The following GTF2IRD1 variants were observed in gnomAD, a reference collection of about 807,000 sequenced individuals.
GTF2IRD1 encodes GTF2I repeat domain containing 1.
Under a neutral mutation model 113.2 loss-of-function variants are expected in GTF2IRD1, and 26 were observed. That is an observed-to-expected ratio of 0.23 (90% CI 0.17 to 0.32). GTF2IRD1 has a LOEUF of 0.32. Ranked by LOEUF, GTF2IRD1 falls within the 10% of genes least tolerant of loss-of-function variation. GTF2IRD1 has a pLI of 1.00. For missense variants in GTF2IRD1, 864 were observed against 1,280.8 expected (o/e 0.67, Z 4.97); for synonymous variants, 484 against 529.1 (o/e 0.91, Z 1.17).
intron 7 of GTF2IRD1, among the ~76,000 whole-genome samples, chr7:74,523,780 G>C (rs1797429356): frequency 6.6e-6 from 1 of 152,110 alleles, no homozygotes; most frequent in African/African-American, 2.4e-5. Flanking sequence ...TGCTCTTCCA[G>C]CCTCCTGTAT....
At chr7:74,566,802 C>A (rs919388635) in intron 22 of GTF2IRD1, among the ~76,000 whole-genome samples, 1 of 152,098 alleles carries the variant, frequency 6.6e-6, no homozygotes, top group African/African-American at 2.4e-5. Flanking sequence ...AAGTCTTTAC[C>A]ATTTTATTAT....
In GTF2IRD1 at chr7:74,512,780, G is replaced by A. The variant is rs372797882; in HGVS notation, c.124-50G>A. On this transcript the variant is annotated intron_variant, in intron 2 of 26. Coordinates refer to ENST00000424337, the MANE Select transcript of GTF2IRD1 (RefSeq NM_005685.4). The surrounding 1 kb of genome is among the most constrained non-coding windows in gnomAD (Gnocchi z 4.4). ...CACCCCCGAAGTGGATACTAGAGGT[G>A]TTCGGAGTATGGGGAGCCCTTCCGC... 4.4e-6 allele frequency: 7 copies of A among 1,592,908 alleles called. No homozygotes were observed. The highest frequency in any genetic ancestry group is 1.7e-5 in the Admixed American group (1 of 59,176).
At chr7:74,521,351 G>A (rs1377610802) in intron 7 of GTF2IRD1, 54 bp downstream of exon 7, 10 of 1,058,354 alleles carry the variant, frequency 9.4e-6, no homozygotes, top group Non-Finnish European at 1.5e-5. Context: ...GAGGTTGGAG[G>A]TGGTGCTTAT....
At chr7:74,535,281 G>A in intron 10 of GTF2IRD1, 143 bp downstream of exon 10, 2 of 726,628 alleles carry the variant, frequency 2.8e-6, no homozygotes, top group Admixed American at 2.0e-5. Context: ...TCTGTGTCCT[G>A]GGACAGAAAT....
chr7:74,585,672 A>G (rs1192218895), intron 22 of GTF2IRD1, among the ~76,000 whole-genome samples: 1 of 152,036 alleles, frequency 6.6e-6, no homozygotes, highest in Non-Finnish European at 1.5e-5. Flanking sequence ...ACCTGAGGCC[A>G]GGAGTTGGAG....
Position 74,576,435 on chromosome 7 carries a change from C to T in GTF2IRD1, c.2321-13416C>T, listed in dbSNP as rs1328769283. ...AATTAGCCAGGTGTGGTGGTGCGCACTTGTAATCCCAGCTACTCGGGAGGC... is the reference window on the plus strand; with the variant it reads ...AATTAGCCAGGTGTGGTGGTGCGCATTTGTAATCCCAGCTACTCGGGAGGC... On this transcript the variant is annotated intron_variant, in intron 22 of 26. Transcript: ENST00000424337. 2.7e-5 allele frequency among the ~76,000 whole-genome samples: 4 copies of T among 150,200 alleles called. No homozygotes were observed. In the East Asian group the frequency reaches 6.1e-4, roughly 23 times the overall value.
intron 22 of GTF2IRD1, 89 bp downstream of exon 22, chr7:74,559,744 G>T: frequency 9.0e-7 from 1 of 1,115,486 alleles, no homozygotes; most frequent in Middle Eastern, 3.0e-4. Context: ...TGGGGCACAG[G>T]TTCTGGGGTC....
At chr7:74,500,368 G>A (rs1442717595) in intron 1 of GTF2IRD1, among the ~76,000 whole-genome samples, 4 of 152,062 alleles carry the variant, frequency 2.6e-5, no homozygotes, top group Admixed American at 2.6e-4. Context: ...GGATCGCTTG[G>A]GCTCGGGAGT....
chr7:74,465,483 C>G (rs1793649318), intron 1 of GTF2IRD1, among the ~76,000 whole-genome samples: 1 of 152,192 alleles, frequency 6.6e-6, no homozygotes, highest in Non-Finnish European at 1.5e-5. Flanking sequence ...AGTGACTGTA[C>G]CTCTCTGAGC....
rs782349366 is a variant in GTF2IRD1 at position 74,602,367 on chromosome 7, A to G, written c.2769A>G (p.Gln923=). ...AGTCCCTTTGTCCCTCTCTCTAGCAATGGCCAATGTACATGGTGGACTATG... is the reference window on the plus strand; with the variant it reads ...AGTCCCTTTGTCCCTCTCTCTAGCAGTGGCCAATGTACATGGTGGACTATG... ...VASANQISLV[Q]WPMYMVDYAG... is the part of the protein sequence containing the mutation. The change falls in exon 27 of 27, where the codon CAA becomes CAG. Residue 923 remains glutamine, a splice_region_variant and synonymous_variant. Coordinates refer to ENST00000424337, the MANE Select transcript of GTF2IRD1 (RefSeq NM_005685.4). 6.2e-7 allele frequency: 1 copy of G among 1,613,054 alleles called. No homozygotes were observed. The highest frequency in any genetic ancestry group is 8.5e-7 in the Non-Finnish European group (1 of 1,179,118).
intron 9 of GTF2IRD1, among the ~76,000 whole-genome samples, chr7:74,534,349 C>T (rs782047993): frequency 6.6e-6 from 1 of 152,220 alleles, no homozygotes; most frequent in Non-Finnish European, 1.5e-5. Flanking sequence ...CGCCTGTAAT[C>T]CCAGCACTTT....
At position 74,511,388 on chromosome 7, in the gene GTF2IRD1, C is replaced by T. The variant is rs188479122; in HGVS notation, c.124-1442C>T. 1.8e-3 allele frequency among the ~76,000 whole-genome samples: 268 copies of T among 152,328 alleles called. 1 individual carries two copies. Among genetic ancestry groups the T allele is most frequent in the African/African-American group, 6.2e-3 (257 of 41,584 alleles). Reference sequence around the variant, plus strand: ...GTGGGTGAGTTTTCTGCCATGGTCTCGGCGTCTTCAGCTGAGCGGTGACTG... The same window carrying T: ...GTGGGTGAGTTTTCTGCCATGGTCTTGGCGTCTTCAGCTGAGCGGTGACTG... On this transcript the variant is annotated intron_variant, in intron 2 of 26. Transcript: ENST00000424337.
At chr7:74,570,160 G>A (rs1437641639) in intron 22 of GTF2IRD1, among the ~76,000 whole-genome samples, 26 of 151,916 alleles carry the variant, frequency 1.7e-4, no homozygotes, top group African/African-American at 5.6e-4. Context: ...TCGGGAGTTC[G>A]AAACCAGCCT....
intron 22 of GTF2IRD1, among the ~76,000 whole-genome samples, chr7:74,587,645 A>G (rs1801794043): frequency 1.3e-5 from 2 of 152,004 alleles, no homozygotes; most frequent in South Asian, 2.1e-4. Flanking sequence ...CCTGTTGGAC[A>G]TGCAAACCAC....
intron 9 of GTF2IRD1, among the ~76,000 whole-genome samples, chr7:74,533,221 G>A (rs782171111): frequency 1.4e-5 from 2 of 144,946 alleles, no homozygotes; most frequent in African/African-American, 5.2e-5. Context: ...TGAAACCTCC[G>A]CCTCTCAGGT....
intron 1 of GTF2IRD1, among the ~76,000 whole-genome samples, chr7:74,498,744 A>G (rs1554338693): frequency 7.0e-6 from 1 of 141,982 alleles, no homozygotes; most frequent in African/African-American, 2.7e-5. Context: ...TTTTTTTTTA[A>G]ATAAGATGGA....
At chr7:74,588,536 T>G (rs1801866600) in intron 22 of GTF2IRD1, among the ~76,000 whole-genome samples, 1 of 151,952 alleles carries the variant, frequency 6.6e-6, no homozygotes, top group Non-Finnish European at 1.5e-5. Flanking sequence ...GTTTGTTTGT[T>G]TGTTTTCATT....
chr7:74,468,795 T>TATGG (rs1793904771), intron 1 of GTF2IRD1, among the ~76,000 whole-genome samples: 2 of 136,916 alleles, frequency 1.5e-5, no homozygotes, highest in Non-Finnish European at 3.1e-5. Context: ...CATAAGAAAA[T>TATGG]ATGGAAGGGC....
chr7:74,583,698 AGT>A (rs1390938893), intron 22 of GTF2IRD1, among the ~76,000 whole-genome samples: 1 of 152,000 alleles, frequency 6.6e-6, no homozygotes, highest in Non-Finnish European at 1.5e-5. Flanking sequence ...ACTGCCCCGT[AGT>A]GTCACTCCTG....
Sources: gnomAD v4.1 joint callset for allele counts (sites outside exome capture counted in the v4.1 genomes callset) on GRCh38, gnomAD v4.1.1 for gene constraint, Gnocchi (gnomAD v3.1) non-coding constraint, MANE v1.5 for transcripts, NCBI Gene and HGNC (gene_info 2026-07-23, HGNC 2026-07-21) for gene names.